TASP1: variants seen among roughly 807,000 people sequenced by gnomAD.
TASP1 encodes threonine aspartase 1.
In TASP1, 16 loss-of-function variants were observed where a neutral mutation model predicts 56.6. The ratio of observed to expected loss-of-function variants is 0.28; its 90% CI spans 0.19 to 0.43. The LOEUF is 0.43. Among genes scored for constraint, TASP1 ranks in the 20% least tolerant of loss-of-function variants. The pLI is 1.00. For missense variants in TASP1, 393 were observed against 511.6 expected, an observed-to-expected ratio of 0.77 and a Z score of 2.24; for synonymous variants, 179 against 184.2, an observed-to-expected ratio of 0.97 and a Z score of 0.23.
the TASP1 span, among the ~76,000 whole-genome samples, chr20:13,163,897 C>T: frequency 6.6e-6 from 1 of 151,930 alleles, no homozygotes; most frequent in South Asian, 2.1e-4. Flanking sequence ...TGAAAATGAC[C>T]TTTTTTTTAT....
chr20:13,205,707 C>T, the TASP1 span, among the ~76,000 whole-genome samples: 1 of 152,162 alleles, frequency 6.6e-6, no homozygotes. Flanking sequence ...CGAATGCCAT[C>T]ACATTGGGGA....
intron 11 of TASP1, among the ~76,000 whole-genome samples, chr20:13,452,345 A>G (rs879921438): frequency 6.6e-6 from 1 of 151,624 alleles, no homozygotes; most frequent in Admixed American, 6.6e-5. Context: ...TTCTTAGTGA[A>G]CTCGCTGAAC....
the TASP1 span, among the ~76,000 whole-genome samples, chr20:13,194,542 AATGTGTGTGT>A: frequency 4.0e-5 from 4 of 100,584 alleles, no homozygotes; most frequent in Non-Finnish European, 6.0e-5. Flanking sequence ...GTCACCAAGA[AATGTGTGTGT>A]GTGTGTGTGT....
the TASP1 span, among the ~76,000 whole-genome samples, chr20:13,237,588 T>C: frequency 2.0e-5 from 3 of 152,190 alleles, no homozygotes; most frequent in Non-Finnish European, 4.4e-5. Context: ...GGAGGGCAGC[T>C]AGGGTGCTGG....
chr20:13,364,270 A>G, the TASP1 span, among the ~76,000 whole-genome samples: 3 of 152,160 alleles, frequency 2.0e-5, no homozygotes, highest in Non-Finnish European at 4.4e-5. Context: ...AAGAATTCCC[A>G]TTTTGCATTA....
At chr20:13,421,792 G>A (rs6074610) in intron 12 of TASP1, among the ~76,000 whole-genome samples, 79,099 of 151,786 alleles carry the variant, frequency 0.52, 22,687 homozygotes, top group Non-Finnish European at 0.65. Flanking sequence ...CTCTTAATCC[G>A]TGGTAATTAT....
At chr20:13,429,488 T>TA (rs949798335) in intron 12 of TASP1, among the ~76,000 whole-genome samples, 17 of 151,714 alleles carry the variant, frequency 1.1e-4, no homozygotes, top group Non-Finnish European at 2.1e-4. Flanking sequence ...TTTTTTTTTT[T>TA]AAAAAGGACT....
At chr20:13,482,487 G>T (rs1163585104) in intron 11 of TASP1, among the ~76,000 whole-genome samples, 4 of 152,172 alleles carry the variant, frequency 2.6e-5, no homozygotes, top group Non-Finnish European at 5.9e-5. Context: ...TCTTTGGACT[G>T]CTTTGGGTAC....
At chr20:13,571,912 T>A (rs1294236826) in intron 6 of TASP1, among the ~76,000 whole-genome samples, 1 of 152,136 alleles carries the variant, frequency 6.6e-6, no homozygotes, top group East Asian at 1.9e-4. Context: ...TCTGTCTGGC[T>A]CTTTCCCTAT....
chr20:13,534,293 T>C (rs2045334202), intron 8 of TASP1, 152 bp from the exon 9 acceptor site: 1 of 956,316 alleles, frequency 1.0e-6, no homozygotes, highest in Non-Finnish European at 1.4e-6. Context: ...TTATCTATTA[T>C]CAAGTTGCCA....
chr20:13,190,222 T>G, the TASP1 span, among the ~76,000 whole-genome samples: 1 of 152,114 alleles, frequency 6.6e-6, no homozygotes, highest in Non-Finnish European at 1.5e-5. Flanking sequence ...ATGGGTTTAA[T>G]AGAAATCAGC....
At chr20:13,112,666 T>G in the TASP1 span, among the ~76,000 whole-genome samples, 1 of 152,170 alleles carries the variant, frequency 6.6e-6, no homozygotes, top group Non-Finnish European at 1.5e-5. Context: ...AAAGTTCCTT[T>G]CATTTCACCC....
At chr20:13,328,570 T>C in the TASP1 span, among the ~76,000 whole-genome samples, 464 of 152,280 alleles carry the variant, frequency 3.0e-3, 2 homozygotes, top group African/African-American at 0.01. Flanking sequence ...TGCCCATCAA[T>C]GATAGACTGG....
chr20:13,372,788 T>C, the TASP1 span, among the ~76,000 whole-genome samples: 36 of 152,192 alleles, frequency 2.4e-4, 1 homozygote, highest in Admixed American at 7.9e-4. Context: ...TTATAACTTA[T>C]TTAGTTTGTT....
chr20:13,279,771 C>T, the TASP1 span: 1 of 1,614,048 alleles, frequency 6.2e-7, no homozygotes, highest in Non-Finnish European at 8.5e-7. Flanking sequence ...CCAGGGCAAA[C>T]AGCGGGGACC....
chr20:13,598,082 A>C (rs1423712242), intron 4 of TASP1, among the ~76,000 whole-genome samples: 1 of 152,220 alleles, frequency 6.6e-6, no homozygotes, highest in Non-Finnish European at 1.5e-5. Context: ...AGGAAGAATC[A>C]ATGTCATGAA....
chr20:13,318,727 G>A, the TASP1 span, among the ~76,000 whole-genome samples: 2 of 152,128 alleles, frequency 1.3e-5, no homozygotes, highest in East Asian at 1.9e-4. Flanking sequence ...CAAGCCATGA[G>A]AAAATATTTT....
the TASP1 span, among the ~76,000 whole-genome samples, chr20:13,210,330 G>A: frequency 6.6e-6 from 1 of 152,014 alleles, no homozygotes; most frequent in Non-Finnish European, 1.5e-5. Flanking sequence ...ACGTCTTTTT[G>A]TTGATATAAG....
intron 3 of TASP1, among the ~76,000 whole-genome samples, chr20:13,623,921 T>C (rs1188326660): frequency 1.3e-5 from 2 of 152,134 alleles, no homozygotes; most frequent in Non-Finnish European, 2.9e-5. Flanking sequence ...CTCTCCATAC[T>C]TAAAAAGAAG....
Sources: gnomAD v4.1 joint callset for allele counts (sites outside exome capture counted in the v4.1 genomes callset) on GRCh38, gnomAD v4.1.1 for gene constraint, MANE v1.5 for transcripts, NCBI Gene and HGNC (gene_info 2026-07-23, HGNC 2026-07-21) for gene names.